The following SIPA1L2 variants were observed in gnomAD, a reference collection of about 807,000 sequenced individuals.
SIPA1L2 encodes the protein signal-induced proliferation-associated 1-like protein 2.
SIPA1L2 carries 56 observed loss-of-function variants against 163.9 expected under a neutral mutation model. The observed-to-expected ratio is 0.34, with a 90% CI of 0.28 to 0.43. The LOEUF (loss-of-function observed/expected upper bound fraction) is 0.43, where lower values mean the gene tolerates loss of function less well. SIPA1L2 is among the 20% of genes least tolerant of loss of function. The pLI, the probability that SIPA1L2 is intolerant of heterozygous loss-of-function variation, is 1.00. For synonymous variants in SIPA1L2, 877 were observed against 865.7 expected (o/e 1.01, Z -0.23); for missense variants, 1,974 against 2,193.5 (o/e 0.90, Z 2.00).
intron 10 of SIPA1L2, among the ~76,000 whole-genome samples, chr1:232,452,199 C>T (rs1252697768): frequency 6.6e-6 from 1 of 151,944 alleles, no homozygotes; most frequent in East Asian, 2.0e-4. Flanking sequence ...TATTCATATT[C>T]ATACTCATGG....
chr1:232,448,170 G>A (rs17794366), intron 10 of SIPA1L2, among the ~76,000 whole-genome samples: 18,031 of 152,150 alleles, frequency 0.12, 1,248 homozygotes, highest in Non-Finnish European at 0.15. Flanking sequence ...GATTTAAGTC[G>A]GCTATGCCTA....
At chr1:232,453,870 TG>T (rs964080518) in intron 10 of SIPA1L2, among the ~76,000 whole-genome samples, 20 of 151,966 alleles carry the variant, frequency 1.3e-4, no homozygotes, top group African/African-American at 4.8e-4. Context: ...ACAAATTAAA[TG>T]TTTTTTTAAT....
At chr1:232,562,015 C>T (rs947052788) in intron 2 of SIPA1L2, among the ~76,000 whole-genome samples, 6 of 152,170 alleles carry the variant, frequency 3.9e-5, no homozygotes, top group South Asian at 2.1e-4. Context: ...AGGCCCTGAG[C>T]GAGTAAATAC....
At chr1:232,593,558 G>T (rs1386251978) in intron 1 of SIPA1L2, among the ~76,000 whole-genome samples, 1 of 152,038 alleles carries the variant, frequency 6.6e-6, no homozygotes, top group Non-Finnish European at 1.5e-5. Context: ...CATCTCCAGG[G>T]TGCTTTTCAT....
At position 232,398,371 on chromosome 1, in the gene SIPA1L2, G is replaced by T. The variant is rs1660142995; in HGVS notation, c.*756C>A. ...TTCACTCTCATTTCTTTCCAGCAGAGCAACTATACAAAAGTGAACTAAGAG... is the reference window on the plus strand; with the variant it reads ...TTCACTCTCATTTCTTTCCAGCAGATCAACTATACAAAAGTGAACTAAGAG... On this transcript the variant is annotated 3_prime_UTR_variant, in exon 23 of 23. Coordinates refer to ENST00000674635, the MANE Select transcript of SIPA1L2 (RefSeq NM_020808.5). The T allele has an allele frequency of 6.6e-6, 1 of 152,568 alleles. No individual in the cohort carries two copies. The highest frequency in any genetic ancestry group is 1.5e-5 in the Non-Finnish European group (1 of 68,034). 9.5% of individuals were successfully genotyped at this position (152,568 alleles called of 1,614,324 possible). A position where few individuals can be genotyped will look rare whatever the true frequency, so the allele number is the denominator to read the frequency against.
chr1:232,446,114 A>G (rs1663203954), intron 10 of SIPA1L2, among the ~76,000 whole-genome samples: 1 of 152,180 alleles, frequency 6.6e-6, no homozygotes, highest in Non-Finnish European at 1.5e-5. Flanking sequence ...AAATGTTCCA[A>G]CTACCAATGC....
chr1:232,432,466 G>A lies in SIPA1L2; in HGVS notation c.4037C>T (p.Ser1346Phe). ...LSEISSHSSG[S>F]HHSGSPSAHC... ...AGCTGAAGGGCTTCCTGAATGGTGA[G>A]AACCACTGAGGAGAAAAACAGACAA... The change falls in exon 16 of 23, where the codon TCT (serine) becomes TTT (phenylalanine). Residue 1346 changes from serine (S) to phenylalanine (F), a missense_variant. By Grantham distance (155) the Ser-to-Phe change is radical. Transcript: ENST00000674635. 2.5e-6 allele frequency: 4 copies of A among 1,613,840 alleles called. No individual in the cohort carries two copies. The highest frequency in any genetic ancestry group is 3.4e-6 in the Non-Finnish European group (4 of 1,179,698).
chr1:232,494,530 C>T (rs910059167), intron 3 of SIPA1L2, among the ~76,000 whole-genome samples: 5 of 152,222 alleles, frequency 3.3e-5, no homozygotes, highest in African/African-American at 1.2e-4. Flanking sequence ...GAAGCAAATA[C>T]TCTATTCTGA....
intron 4 of SIPA1L2, among the ~76,000 whole-genome samples, chr1:232,491,657 A>G (rs746668875): frequency 3.9e-5 from 6 of 152,178 alleles, no homozygotes; most frequent in Non-Finnish European, 4.4e-5. Flanking sequence ...CATGCAATGA[A>G]TATTTGGAGC....
chr1:232,444,613 T>G (rs192184856), intron 11 of SIPA1L2, among the ~76,000 whole-genome samples: 3 of 152,192 alleles, frequency 2.0e-5, no homozygotes, highest in Non-Finnish European at 4.4e-5. Flanking sequence ...ATCAATTAAT[T>G]CTGGTTAATA....
intron 19 of SIPA1L2, among the ~76,000 whole-genome samples, chr1:232,414,108 A>AGAC (rs1661111067): frequency 2.6e-5 from 4 of 152,332 alleles, no homozygotes; most frequent in Admixed American, 1.3e-4. Context: ...CCCACAAGGC[A>AGAC]GACAGGCAGA....
At chr1:232,490,693 T>C (rs2274371) in intron 5 of SIPA1L2, 181 bp downstream of exon 5, 155,121 of 636,498 alleles carry the variant, frequency 0.24, 19,629 homozygotes, top group Admixed American at 0.36. Flanking sequence ...AGGTGTGTTA[T>C]ACTATAATGG....
intron 15 of SIPA1L2, among the ~76,000 whole-genome samples, chr1:232,436,627 C>T (rs1041897531): frequency 1.2e-4 from 19 of 152,306 alleles, no homozygotes; most frequent in African/African-American, 4.1e-4. Context: ...CTCATGGCCA[C>T]CCATGCCCCA....
In SIPA1L2 at chr1:232,399,106, C is replaced by G. The variant is rs1303880107; in HGVS notation, c.*21G>C. On this transcript the variant is annotated 3_prime_UTR_variant, in exon 23 of 23. Transcript: ENST00000674635. ...GGACAAGGGGCATTTCCCAGTGGTC[C>G]CTTGATGAGGTGCGGATTGGCTAAG... 1.9e-6 allele frequency: 3 copies of G among 1,613,822 alleles called. No individual in the cohort carries two copies. Among genetic ancestry groups the G allele is most frequent in the Non-Finnish European group, 1.7e-6 (2 of 1,179,894 alleles).
chr1:232,540,740 A>G (rs764973139), intron 2 of SIPA1L2, among the ~76,000 whole-genome samples: 2 of 152,158 alleles, frequency 1.3e-5, no homozygotes, highest in African/African-American at 2.4e-5. Context: ...AGAGAGAGAA[A>G]GGAAAGAATA....
chr1:232,489,093 A>G (rs561231290), intron 5 of SIPA1L2, among the ~76,000 whole-genome samples: 1 of 152,280 alleles, frequency 6.6e-6, no homozygotes, highest in South Asian at 2.1e-4. Flanking sequence ...AACTTTCTAG[A>G]GCAGCCTCGG....
intron 2 of SIPA1L2, among the ~76,000 whole-genome samples, chr1:232,536,311 T>A (rs1217305271): frequency 2.6e-5 from 4 of 152,222 alleles, no homozygotes; most frequent in Non-Finnish European, 5.9e-5. Context: ...CTTACCAATG[T>A]CTGGTGTATG....
chr1:232,578,417 T>A (rs550848737), intron 1 of SIPA1L2, among the ~76,000 whole-genome samples: 15 of 151,998 alleles, frequency 9.9e-5, no homozygotes, highest in African/African-American at 3.6e-4. Context: ...TAAATGTTTC[T>A]TACAAAAAAA....
chr1:232,470,343 T>C (rs768305597), intron 8 of SIPA1L2, among the ~76,000 whole-genome samples: 1 of 152,116 alleles, frequency 6.6e-6, no homozygotes, highest in African/African-American at 2.4e-5. Flanking sequence ...AGCCATAGAC[T>C]AGGGCTATGT....
Sources: allele counts gnomAD v4.1 joint callset (sites outside exome capture counted in the v4.1 genomes callset), GRCh38; gene constraint gnomAD v4.1.1; transcripts MANE v1.5; gene names NCBI Gene and HGNC (gene_info 2026-07-23, HGNC 2026-07-21).